IQCM: variants seen among roughly 807,000 people sequenced by gnomAD.
The protein encoded by IQCM is IQ domain-containing protein M.
A neutral mutation model predicts 57.6 loss-of-function variants in IQCM; 45 were observed. The ratio of observed to expected loss-of-function variants is 0.78; its 90% CI spans 0.62 to 1.00. The LOEUF (loss-of-function observed/expected upper bound fraction) is 1.00. IQCM is among the 50% of genes least tolerant of loss of function. IQCM has a pLI of 0.00. For synonymous variants in IQCM, 148 were observed against 158.9 expected, an observed-to-expected ratio of 0.93 and a Z score of 0.51; for missense variants, 468 against 511.6, an observed-to-expected ratio of 0.91 and a Z score of 0.82.
At chr4:149,716,462 G>C (rs1765008320) in intron 5 of IQCM, among the ~76,000 whole-genome samples, 1 of 152,200 alleles carries the variant, frequency 6.6e-6, no homozygotes, top group South Asian at 2.1e-4. Flanking sequence ...GCCCCCAAGA[G>C]AGCAGAGATG....
intron 9 of IQCM, among the ~76,000 whole-genome samples, chr4:149,579,535 G>A (rs1055696460): frequency 1.3e-5 from 2 of 151,868 alleles, no homozygotes; most frequent in African/African-American, 2.4e-5. Flanking sequence ...CGTGACTAAT[G>A]CCAGTGTTAG....
At chr4:149,778,376 A>T (rs28798418) in intron 2 of IQCM, among the ~76,000 whole-genome samples, 2,493 of 149,464 alleles carry the variant, frequency 0.017, 64 homozygotes, top group African/African-American at 0.057. Flanking sequence ...GCTCTGTCTT[A>T]AAAAAAAAAG....
chr4:149,583,312 C>T (rs1330906299), intron 9 of IQCM, among the ~76,000 whole-genome samples: 1 of 151,460 alleles, frequency 6.6e-6, no homozygotes, highest in Non-Finnish European at 1.5e-5. Flanking sequence ...AATGTTAACA[C>T]TTATATCAAT....
At chr4:149,446,982 T>G (rs1455744019) in intron 12 of IQCM, among the ~76,000 whole-genome samples, 1 of 151,458 alleles carries the variant, frequency 6.6e-6, no homozygotes, top group Admixed American at 6.6e-5. Flanking sequence ...CTGTGTTAGG[T>G]AATAGGGATA....
In IQCM at chr4:149,435,744, G is replaced by T. The variant is rs116130145; in HGVS notation, c.1229-2187C>A. ...CAGTGAATATTGACGATCCTGTGTA[G>T]GCCAAGGCTAATGTGTATGTTTGTG... On this transcript the variant is annotated intron_variant, in intron 12 of 13. Transcript: ENST00000636793. 2.0e-3 allele frequency among the ~76,000 whole-genome samples: 309 copies of T among 152,018 alleles called. 1 individual carries two copies. The highest frequency in any genetic ancestry group is 7.3e-3 in the African/African-American group (304 of 41,490).
At chr4:149,551,771 T>C (rs563817758) in intron 11 of IQCM, among the ~76,000 whole-genome samples, 2 of 152,294 alleles carry the variant, frequency 1.3e-5, no homozygotes, top group East Asian at 3.9e-4. Flanking sequence ...ATGGAGAGTT[T>C]ACGGGCAAAA....
intron 12 of IQCM, among the ~76,000 whole-genome samples, chr4:149,452,680 T>A (rs934758845): frequency 6.6e-6 from 1 of 151,674 alleles, no homozygotes; most frequent in Non-Finnish European, 1.5e-5. Flanking sequence ...ATCACCATCA[T>A]CAAGGCCATA....
At chr4:149,537,243 T>C (rs1462202981) in intron 12 of IQCM, among the ~76,000 whole-genome samples, 1 of 151,764 alleles carries the variant, frequency 6.6e-6, no homozygotes, top group Non-Finnish European at 1.5e-5. Flanking sequence ...TGTGATAATA[T>C]TAAAATAGAG....
chr4:149,777,610 T>A (rs1771213180), intron 2 of IQCM, among the ~76,000 whole-genome samples: 1 of 152,208 alleles, frequency 6.6e-6, no homozygotes. Context: ...ATAACAGGCA[T>A]ACGTGACCAA....
intron 8 of IQCM, among the ~76,000 whole-genome samples, chr4:149,592,331 A>G (rs955454978): frequency 9.2e-5 from 14 of 151,858 alleles, no homozygotes; most frequent in Non-Finnish European, 1.9e-4. Context: ...AAATTTGTTT[A>G]AGTTCTTTGT....
Position 149,686,358 on chromosome 4 carries a change from G to A in IQCM, c.476+20C>T, listed in dbSNP as rs906618768. The A allele has an allele frequency of 9.3e-7, 1 of 1,076,580 alleles. No homozygotes were observed. Among genetic ancestry groups the A allele is most frequent in the African/African-American group, 1.6e-5 (1 of 61,260 alleles). The allele number at this position is 1,076,580 out of a possible 1,614,324, so 66.7% of individuals were successfully genotyped here. A position where few individuals can be genotyped will look rare whatever the true frequency, so the allele number is the denominator to read the frequency against. ...AGAAGAAAATATATATTTTCTATAG[G>A]TTAGCTAATTATACATTACCTGGAC... is the stretch of plus-strand genomic sequence containing the variant. On this transcript the variant is annotated intron_variant, in intron 6 of 13. Transcript: ENST00000636793.
At chr4:149,709,958 C>A (rs1215350980) in intron 5 of IQCM, among the ~76,000 whole-genome samples, 5 of 151,926 alleles carry the variant, frequency 3.3e-5, no homozygotes, top group African/African-American at 9.7e-5. Context: ...GCAGGCCAAC[C>A]AAAAAGGGAG....
intron 13 of IQCM, among the ~76,000 whole-genome samples, chr4:149,426,276 C>A (rs1199684864): frequency 6.6e-6 from 1 of 151,906 alleles, no homozygotes; most frequent in Admixed American, 6.6e-5. Context: ...CAAAGTTGAC[C>A]ACTGAACAAA....
chr4:149,797,063 A>G (rs1773177048), intron 2 of IQCM, among the ~76,000 whole-genome samples: 1 of 152,180 alleles, frequency 6.6e-6, no homozygotes, highest in East Asian at 1.9e-4. Flanking sequence ...CACCAAATCA[A>G]CTAAATAAGA....
intron 7 of IQCM, among the ~76,000 whole-genome samples, chr4:149,654,519 C>T (rs1385876759): frequency 6.6e-6 from 1 of 152,156 alleles, no homozygotes; most frequent in Admixed American, 6.6e-5. Flanking sequence ...GTAAAAGCTT[C>T]CTGAGGCCTC....
chr4:149,373,246 T>G (rs1312570550), intron 13 of IQCM, among the ~76,000 whole-genome samples: 5 of 152,132 alleles, frequency 3.3e-5, no homozygotes, highest in Admixed American at 6.6e-5. Flanking sequence ...ATTTTACACA[T>G]GAGGAAACTG....
intron 2 of IQCM, among the ~76,000 whole-genome samples, chr4:149,747,788 C>T (rs77295632): frequency 0.013 from 1,911 of 152,294 alleles, 16 homozygotes; most frequent in South Asian, 0.018. Flanking sequence ...AATCATACTC[C>T]TTTCCTGATG....
chr4:149,415,721 T>A (rs997051601), intron 13 of IQCM, among the ~76,000 whole-genome samples: 10 of 152,112 alleles, frequency 6.6e-5, no homozygotes, highest in Admixed American at 5.2e-4. Flanking sequence ...ATATTATAGG[T>A]AAAGTAGTAA....
intron 3 of IQCM, among the ~76,000 whole-genome samples, chr4:149,738,182 G>A (rs1250037257): frequency 2.0e-5 from 3 of 152,160 alleles, no homozygotes; most frequent in African/African-American, 7.2e-5. Context: ...GTGCTCCTGA[G>A]TTCCTTGCTG....
Sources: allele counts gnomAD v4.1 joint callset (sites outside exome capture counted in the v4.1 genomes callset), GRCh38; gene constraint gnomAD v4.1.1; transcripts MANE v1.5; gene names NCBI Gene and HGNC (gene_info 2026-07-23, HGNC 2026-07-21).